ARHGAP21: variants seen among roughly 807,000 people sequenced by gnomAD.
ARHGAP21 encodes rho GTPase-activating protein 21.
Under a neutral mutation model 164.6 loss-of-function variants are expected in ARHGAP21, and 38 were observed. That is an observed-to-expected ratio of 0.23 (90% CI 0.18 to 0.30). ARHGAP21 has a LOEUF of 0.30. Among genes scored for constraint, ARHGAP21 ranks in the 10% least tolerant of loss-of-function variants. The probability of loss-of-function intolerance (pLI) is 1.00; values close to 1 mark genes in which losing one functional copy is unlikely to be tolerated. For synonymous variants in ARHGAP21, 766 were observed against 857.9 expected, an observed-to-expected ratio of 0.89 and a Z score of 1.87; for missense variants, 1,822 against 2,370.7, an observed-to-expected ratio of 0.77 and a Z score of 4.81.
chr10:24,704,499 T>C (rs1399758530), intron 2 of ARHGAP21, among the ~76,000 whole-genome samples: 1 of 150,436 alleles, frequency 6.6e-6, no homozygotes, highest in Non-Finnish European at 1.5e-5. Context: ...AGAGTCTCGC[T>C]CCACTGCCAG....
chr10:24,626,566 C>T (rs902211669), intron 7 of ARHGAP21, among the ~76,000 whole-genome samples: 5 of 152,130 alleles, frequency 3.3e-5, no homozygotes, highest in East Asian at 1.9e-4. Flanking sequence ...TCCCAGCCTC[C>T]AGAATATGAG....
chr10:24,669,473 T>C (rs557568407), intron 3 of ARHGAP21, among the ~76,000 whole-genome samples: 1 of 152,334 alleles, frequency 6.6e-6, no homozygotes, highest in African/African-American at 2.4e-5. Flanking sequence ...TCCATTATAC[T>C]ATTGTGTAAT....
chr10:24,669,464 C>T (rs1840493233), intron 3 of ARHGAP21, among the ~76,000 whole-genome samples: 1 of 152,128 alleles, frequency 6.6e-6, no homozygotes, highest in Non-Finnish European at 1.5e-5. Flanking sequence ...ATCATCATTT[C>T]CATTATACTA....
intron 9 of ARHGAP21, among the ~76,000 whole-genome samples, chr10:24,608,270 A>G (rs1038687940): frequency 1.3e-5 from 2 of 152,208 alleles, no homozygotes; most frequent in Admixed American, 6.5e-5. Context: ...AATGTACCAC[A>G]GATTATCACT....
At chr10:24,586,147 G>A (rs1451739406) in intron 25 of ARHGAP21, 41 bp from the exon 26 acceptor site, 2 of 1,515,618 alleles carry the variant, frequency 1.3e-6, no homozygotes, top group East Asian at 2.3e-5. Context: ...GCATAAGAAT[G>A]CAGCTGAGTT....
At chr10:24,675,552 A>G (rs1284346513) in intron 2 of ARHGAP21, among the ~76,000 whole-genome samples, 1 of 152,210 alleles carries the variant, frequency 6.6e-6, no homozygotes, top group Non-Finnish European at 1.5e-5. Context: ...CAGTTTACAC[A>G]TGTACAGTTG....
At position 24,620,431 on chromosome 10, in the gene ARHGAP21, A is replaced by C. The variant is rs778082060; in HGVS notation, c.1464T>G (p.Phe488Leu). ...CCCATGAACGAGTTCTATGATTACTAAAACTAACAGATGGAGACGTCAGTG... is the reference window on the plus strand; with the variant it reads ...CCCATGAACGAGTTCTATGATTACTCAAACTAACAGATGGAGACGTCAGTG... ...QGALTSPSVS[F>L]SNHRTRSWDY... The change falls in exon 9 of 26, where the codon TTT becomes TTG. Residue 488 changes from phenylalanine to leucine, a missense_variant. By Grantham distance (22) the Phe-to-Leu change is conservative. Transcript: ENST00000396432. The C allele has an allele frequency of 1.9e-6, 3 of 1,611,464 alleles. No individual in the cohort carries two copies. The highest frequency in any genetic ancestry group is 1.7e-6 in the Non-Finnish European group (2 of 1,178,008).
chr10:24,590,199 A>G, intron 24 of ARHGAP21: 2 of 1,442,508 alleles, frequency 1.4e-6, no homozygotes, highest in East Asian at 2.5e-5. Context: ...GAACTGGTAG[A>G]CCATACCATG....
intron 4 of ARHGAP21, among the ~76,000 whole-genome samples, chr10:24,655,721 A>C (rs1032092276): frequency 6.7e-5 from 9 of 133,972 alleles, no homozygotes; most frequent in Non-Finnish European, 1.1e-4. Flanking sequence ...CCCAGTCTGG[A>C]AAGTGAGGAG....
intron 13 of ARHGAP21, among the ~76,000 whole-genome samples, chr10:24,601,749 C>T (rs1030927867): frequency 6.6e-6 from 1 of 151,932 alleles, no homozygotes; most frequent in African/African-American, 2.4e-5. Flanking sequence ...AAACGTAAGA[C>T]AATATATTCT....
In ARHGAP21 at chr10:24,620,126, A is replaced by G. The variant is rs1488275571; in HGVS notation, c.1769T>C (p.Leu590Pro). The change falls in exon 9 of 26, where the codon CTA becomes CCA. Residue 590 changes from leucine to proline, a missense_variant. Physicochemically the swap from Leu to Pro is moderately conservative, Grantham distance 98. Coordinates refer to ENST00000396432, the MANE Select transcript of ARHGAP21 (RefSeq NM_020824.4). Reference sequence around the variant, plus strand: ...ATTTCTGTTTGACTGCAATGTTTTTAGATCTGGTGGAATTTTTTTAAACTG... The same window carrying G: ...ATTTCTGTTTGACTGCAATGTTTTTGGATCTGGTGGAATTTTTTTAAACTG... The part of the protein sequence containing the change: ...VSQFKKIPPD[L>P]KTLQSNRNFQ... 3 of 1,613,962 alleles carry G rather than the reference A, an allele frequency of 1.9e-6. No individual in the cohort carries two copies. Among genetic ancestry groups the G allele is most frequent in the Admixed American group, 1.7e-5 (1 of 60,022 alleles).
chr10:24,722,006 G>A lies in ARHGAP21; in HGVS notation c.-107C>T. 1.6e-6 allele frequency: 2 copies of A among 1,220,278 alleles called. No homozygotes were observed. The highest frequency in any genetic ancestry group is 4.9e-5 in the East Asian group (2 of 40,750). 75.6% of individuals were successfully genotyped at this position (1,220,278 alleles called of 1,614,324 possible). ...GGGAAGAATTCCACAAGCAGGCTCC[G>A]AGGAGGGGCAGGGCTGTTGAAACAG... On this transcript the variant is annotated 5_prime_UTR_variant, in exon 2 of 26. Transcript: ENST00000396432.
chr10:24,601,980 T>C lies in ARHGAP21; in HGVS notation c.2845A>G (p.Lys949Glu), dbSNP rs1382411579. The change falls in exon 13 of 26, where the codon AAG becomes GAG. Residue 949 changes from lysine (K) to glutamate (E), a missense_variant and splice_region_variant. Transcript: ENST00000396432. ...HFRPLVTDKG[K>E]RVGGSIRPWK... is the part of the protein sequence containing the mutation. ...GGGTGGCTTAGAAAACACACTACCT[T>C]GCCCTTATCGGTGACAAGGGGTCGG... 1.4e-5 allele frequency: 22 copies of C among 1,610,842 alleles called. No homozygotes were observed. Among genetic ancestry groups the C allele is most frequent in the Non-Finnish European group, 1.8e-5 (21 of 1,179,344 alleles).
intron 2 of ARHGAP21, among the ~76,000 whole-genome samples, chr10:24,689,274 AT>A (rs1354162200): frequency 2.6e-5 from 4 of 151,926 alleles, no homozygotes; most frequent in African/African-American, 9.7e-5. Flanking sequence ...CTAATGTATC[AT>A]TTTTTTTCTA....
intron 2 of ARHGAP21, among the ~76,000 whole-genome samples, chr10:24,683,473 A>G (rs920695661): frequency 2.0e-5 from 3 of 151,086 alleles, no homozygotes; most frequent in African/African-American, 7.3e-5. Context: ...TCTCTGATTT[A>G]CTTTATTTTC....
intron 22 of ARHGAP21, 50 bp from the exon 23 acceptor site, chr10:24,591,733 A>C (rs2076340348): frequency 6.2e-7 from 1 of 1,607,074 alleles, no homozygotes. Flanking sequence ...CTTTAAATAT[A>C]CTGAGATCTT....
chr10:24,606,171 T>C (rs992785821), intron 11 of ARHGAP21, among the ~76,000 whole-genome samples: 3 of 152,130 alleles, frequency 2.0e-5, no homozygotes, highest in African/African-American at 7.2e-5. Flanking sequence ...AATTTTTTGA[T>C]ACAATATGAC....
intron 9 of ARHGAP21, among the ~76,000 whole-genome samples, chr10:24,615,586 T>G (rs1833859756): frequency 6.6e-6 from 1 of 152,160 alleles, no homozygotes. Context: ...AATATGAAAT[T>G]TGCAGCCAAC....
At chr10:24,708,225 T>C (rs1844430419) in intron 2 of ARHGAP21, among the ~76,000 whole-genome samples, 1 of 152,196 alleles carries the variant, frequency 6.6e-6, no homozygotes, top group African/African-American at 2.4e-5. Flanking sequence ...TGTCGGCCTC[T>C]GTCCGTCCCT....
Sources: gnomAD v4.1 joint callset for allele counts (sites outside exome capture counted in the v4.1 genomes callset) on GRCh38, gnomAD v4.1.1 for gene constraint, MANE v1.5 for transcripts, NCBI Gene and HGNC (gene_info 2026-07-23, HGNC 2026-07-21) for gene names.